PRDM5: variants seen among roughly 807,000 people sequenced by gnomAD.
The protein encoded by PRDM5 is PR domain zinc finger protein 5.
PRDM5 carries 56 observed loss-of-function variants against 81.2 expected under a neutral mutation model. The ratio of observed to expected loss-of-function variants is 0.69; its 90% confidence interval spans 0.56 to 0.86. The LOEUF is 0.86. PRDM5 is among the 40% of genes least tolerant of loss of function. The pLI is 0.00. For missense variants in PRDM5, 697 were observed against 770.1 expected (o/e 0.91, Z 1.12); for synonymous variants, 267 against 256.4 (o/e 1.04, Z -0.39).
At chr4:120,765,963 C>CTTT (rs375991850) in intron 13 of PRDM5, among the ~76,000 whole-genome samples, 1 of 138,154 alleles carries the variant, frequency 7.2e-6, no homozygotes. Flanking sequence ...TTTTTTCTTT[C>CTTT]TTTTTTTTTT....
At position 120,692,352 on chromosome 4, in the gene PRDM5, TCAGACACACACACA is replaced by T. The variant is rs1734107986; in HGVS notation, c.*2745_*2758del. On this transcript the variant is annotated 3_prime_UTR_variant, in exon 16 of 16. Transcript: ENST00000264808. ...ATGCACTGCATATAAGTGATACTCTTCAGACACACACACACAGACACACACACTCATGTTTCTTG... is the reference window on the plus strand; with the variant it reads ...ATGCACTGCATATAAGTGATACTCTTCAGACACACACACTCATGTTTCTTG... The T allele has an allele frequency of 6.6e-6, 1 of 151,944 alleles. No homozygotes were observed. 9.4% of individuals were successfully genotyped at this position (151,944 alleles called of 1,614,324 possible). A position where few individuals can be genotyped will look rare whatever the true frequency, so the allele number is the denominator to read the frequency against.
Position 120,853,466 on chromosome 4 carries a change from G to T in PRDM5, c.252C>A (p.Phe84Leu). ...TNPRHSNWLR[F>L]VHEAPSQEQK... The stretch of plus-strand genomic sequence containing the variant: ...GCTCCTGAGATGGTGCCTCATGAAC[G>T]AAGCGAAGCCAGTTGGAGTGCCGTG... Residue 84 changes from phenylalanine to leucine, a missense_variant, in exon 3 of 16, where the codon TTC becomes TTA. This residue lies in a region of PRDM5 where 577 missense variants were observed against 606.7 expected (regional missense o/e 0.95). Transcript: ENST00000264808. The T allele has an allele frequency of 6.2e-7, 1 of 1,613,778 alleles. No homozygotes were observed. Among genetic ancestry groups the T allele is most frequent in the Non-Finnish European group, 8.5e-7 (1 of 1,179,762 alleles).
intron 11 of PRDM5, 143 bp from the exon 12 acceptor site, chr4:120,781,446 C>G: frequency 1.3e-6 from 1 of 758,670 alleles, no homozygotes. Flanking sequence ...ACAACAAATT[C>G]CAGTTCCATT....
At chr4:120,774,303 C>T (rs978597151) in intron 13 of PRDM5, among the ~76,000 whole-genome samples, 5 of 152,168 alleles carry the variant, frequency 3.3e-5, no homozygotes, top group African/African-American at 7.2e-5. Context: ...ACGAATAGGT[C>T]GTGACTGTCA....
At chr4:120,917,957 C>T (rs1193207316) in intron 1 of PRDM5, among the ~76,000 whole-genome samples, 1 of 152,130 alleles carries the variant, frequency 6.6e-6, no homozygotes, top group African/African-American at 2.4e-5. Flanking sequence ...TCACCTCTCT[C>T]ATCTATAAAA....
chr4:120,823,357 A>C (rs1755539174), intron 3 of PRDM5, among the ~76,000 whole-genome samples: 1 of 152,214 alleles, frequency 6.6e-6, no homozygotes, highest in Non-Finnish European at 1.5e-5. Context: ...ATTTAATGAA[A>C]GTAATGGCAG....
intron 2 of PRDM5, among the ~76,000 whole-genome samples, chr4:120,870,625 G>A (rs1036527145): frequency 6.6e-6 from 1 of 152,202 alleles, no homozygotes; most frequent in East Asian, 1.9e-4. Flanking sequence ...GGACCAGCAA[G>A]AGGAAAGGCA....
intron 3 of PRDM5, among the ~76,000 whole-genome samples, chr4:120,823,912 A>G (rs1036224880): frequency 6.6e-6 from 1 of 152,192 alleles, no homozygotes; most frequent in Non-Finnish European, 1.5e-5. Flanking sequence ...TCTCAGTATA[A>G]TGAATGAGTT....
In PRDM5 at chr4:120,916,897, C is replaced by T. The variant is rs182703220; in HGVS notation, c.93+5619G>A. Among the ~76,000 whole-genome samples, 326 of 152,344 alleles carry T rather than the reference C, an allele frequency of 2.1e-3. 1 individual carries two copies. Among genetic ancestry groups the T allele is most frequent in the African/African-American group, 7.5e-3 (311 of 41,576 alleles). ...ACTATCTTGGTCTAAACTGCTATCA[C>T]CTCTCACATGGATTACTGCAGTAGA... On this transcript the variant is annotated intron_variant, in intron 1 of 15. Transcript: ENST00000264808.
intron 2 of PRDM5, among the ~76,000 whole-genome samples, chr4:120,900,277 C>T (rs1352320285): frequency 1.3e-5 from 2 of 152,142 alleles, no homozygotes; most frequent in Non-Finnish European, 2.9e-5. Context: ...CTAATCACCA[C>T]GTGGTTGCTT....
rs1734214045 is a variant in PRDM5, at chr4:120,693,477, A to G, written c.*1634T>C. 1 of 152,164 alleles carries G rather than the reference A, an allele frequency of 6.6e-6. No individual in the cohort carries two copies. The highest frequency in any genetic ancestry group is 2.1e-4 in the South Asian group (1 of 4,830). 9.4% of individuals were successfully genotyped at this position (152,164 alleles called of 1,614,324 possible). ...AATTTATTTTTATAAAATACAGTCT[A>G]TAATTTCAGATTCAAAATACTACAT... On this transcript the variant is annotated 3_prime_UTR_variant, in exon 16 of 16. Transcript: ENST00000264808.
chr4:120,703,623 C>T (rs1412226919), intron 15 of PRDM5, among the ~76,000 whole-genome samples: 2 of 152,160 alleles, frequency 1.3e-5, no homozygotes, highest in Admixed American at 6.5e-5. Flanking sequence ...TCACCATGTT[C>T]CAGGAGCCAC....
At chr4:120,723,582 T>C (rs962551788) in intron 14 of PRDM5, among the ~76,000 whole-genome samples, 4 of 151,730 alleles carry the variant, frequency 2.6e-5, no homozygotes, top group African/African-American at 9.7e-5. Context: ...GAAAAATCAA[T>C]GCAAATTGTA....
intron 10 of PRDM5, among the ~76,000 whole-genome samples, chr4:120,787,341 A>G (rs1299740789): frequency 6.6e-6 from 1 of 152,148 alleles, no homozygotes; most frequent in Non-Finnish European, 1.5e-5. Context: ...GAGGAGGAGA[A>G]GCAAATCGTG....
intron 3 of PRDM5, among the ~76,000 whole-genome samples, chr4:120,850,245 G>C (rs1273486063): frequency 6.6e-6 from 1 of 151,958 alleles, no homozygotes; most frequent in Non-Finnish European, 1.5e-5. Flanking sequence ...AAAATTTCCT[G>C]AATACCCCAA....
At chr4:120,702,513 A>AT (rs538233532) in intron 15 of PRDM5, among the ~76,000 whole-genome samples, 6 of 152,246 alleles carry the variant, frequency 3.9e-5, no homozygotes, top group African/African-American at 4.8e-5. Flanking sequence ...GATTTGCGTT[A>AT]TTTTTTTATG....
chr4:120,751,353 CAG>C (rs146278039), intron 14 of PRDM5, among the ~76,000 whole-genome samples: 2,778 of 150,634 alleles, frequency 0.018, 35 homozygotes, highest in Middle Eastern at 0.031. Context: ...AAATTAGAAA[CAG>C]AGAAAAACAC....
intron 14 of PRDM5, among the ~76,000 whole-genome samples, chr4:120,727,367 G>C (rs944046212): frequency 6.6e-6 from 1 of 152,140 alleles, no homozygotes; most frequent in African/African-American, 2.4e-5. Flanking sequence ...AATGAAAAAG[G>C]TTTGACTTAA....
At chr4:120,848,472 A>C (rs1487875776) in intron 3 of PRDM5, among the ~76,000 whole-genome samples, 2 of 152,176 alleles carry the variant, frequency 1.3e-5, no homozygotes, top group Admixed American at 1.3e-4. Context: ...AGTTACTTAG[A>C]TGCTCTTGAG....
Sources: gnomAD v4.1 joint callset for allele counts (sites outside exome capture counted in the v4.1 genomes callset) on GRCh38, gnomAD v4.1.1 for gene constraint, gnomAD v4.1.1 regional missense constraint, MANE v1.5 for transcripts, NCBI Gene and HGNC (gene_info 2026-07-23, HGNC 2026-07-21) for gene names.